VAV3: variants seen among roughly 807,000 people sequenced by gnomAD.
VAV3 encodes the protein vav guanine nucleotide exchange factor 3.
In VAV3, 94 loss-of-function variants were observed where a neutral mutation model predicts 131.2. That is an observed-to-expected ratio of 0.72 (90% CI 0.61 to 0.85). VAV3 has a LOEUF of 0.85. Ranked by LOEUF, VAV3 falls within the 40% of genes least tolerant of loss-of-function variation. VAV3 has a pLI of 0.00. For missense variants in VAV3, 939 were observed against 1,002.7 expected, an observed-to-expected ratio of 0.94 and a Z score of 0.86; for synonymous variants, 349 against 342.0, an observed-to-expected ratio of 1.02 and a Z score of -0.22.
In VAV3 at chr1:107,840,921, T is replaced by TAA. The variant is rs55688733; in HGVS notation, c.321+33978_321+33979dup. ...GGATCAACATGTTCAGAGATGCTTTTAAAAAAAAAAAAAATTCATCTGGCA... is the reference window on the plus strand; with the variant it reads ...GGATCAACATGTTCAGAGATGCTTTTAAAAAAAAAAAAAAAATTCATCTGGCA... On this transcript the variant is annotated intron_variant, in intron 2 of 26. Coordinates refer to ENST00000370056, the MANE Select transcript of VAV3 (RefSeq NM_006113.5). Among the ~76,000 whole-genome samples the TAA allele has an allele frequency of 4.9e-3, 721 of 146,886 alleles. 3 individuals are homozygous for TAA. Among genetic ancestry groups the TAA allele is most frequent in the African/African-American group, 0.017 (684 of 39,980 alleles).
chr1:107,612,792 C>T (rs966544728), intron 21 of VAV3, among the ~76,000 whole-genome samples: 5 of 152,152 alleles, frequency 3.3e-5, no homozygotes, highest in South Asian at 2.1e-4. Flanking sequence ...GACTTCCTAC[C>T]TCCTTTTCCA....
chr1:107,938,032 C>T (rs962817688), intron 1 of VAV3, among the ~76,000 whole-genome samples: 26 of 152,180 alleles, frequency 1.7e-4, no homozygotes, highest in African/African-American at 6.0e-4. Flanking sequence ...TGCACTCTGT[C>T]ACACAGAGCA....
chr1:107,639,251 T>C (rs1326533928), intron 20 of VAV3, among the ~76,000 whole-genome samples: 1 of 152,130 alleles, frequency 6.6e-6, no homozygotes, highest in Non-Finnish European at 1.5e-5. Flanking sequence ...AATGTCTTTG[T>C]AACTTTGGGG....
At chr1:107,747,411 T>C (rs1285529669) in intron 15 of VAV3, among the ~76,000 whole-genome samples, 3 of 152,168 alleles carry the variant, frequency 2.0e-5, no homozygotes, top group Non-Finnish European at 4.4e-5. Flanking sequence ...GCTCTGTCTT[T>C]GCATATTACC....
intron 2 of VAV3, among the ~76,000 whole-genome samples, chr1:107,835,619 G>GA (rs1668442300): frequency 3.3e-5 from 5 of 152,132 alleles, no homozygotes; most frequent in Admixed American, 2.6e-4. Context: ...GAAAGTTTGG[G>GA]AAAAAACTAG....
rs188179696 is a variant in VAV3 at position 107,733,842 on chromosome 1, C to T, written c.1502+15126G>A. ...TCAAGATATTAACCAGGAGGACGTCCCCAACCTAACAAGGCAGGCCAACAT... is the reference window on the plus strand; with the variant it reads ...TCAAGATATTAACCAGGAGGACGTCTCCAACCTAACAAGGCAGGCCAACAT... On this transcript the variant is annotated intron_variant, in intron 15 of 26. Transcript: ENST00000370056. Among the ~76,000 whole-genome samples the T allele has an allele frequency of 1.8e-3, 274 of 152,126 alleles. 3 individuals are homozygous for T. The Middle Eastern group carries it at 0.027, about 15-fold the overall frequency.
chr1:107,594,792 T>A (rs1477317946), intron 25 of VAV3, among the ~76,000 whole-genome samples: 1 of 152,092 alleles, frequency 6.6e-6, no homozygotes, highest in Non-Finnish European at 1.5e-5. Context: ...GTTAGTGACC[T>A]TCCTACCTAA....
chr1:107,896,459 T>C (rs1341570309), intron 1 of VAV3, among the ~76,000 whole-genome samples: 1 of 152,204 alleles, frequency 6.6e-6, no homozygotes, highest in African/African-American at 2.4e-5. Flanking sequence ...TATTGTACTG[T>C]TATTATTGTT....
At chr1:107,802,774 A>G (rs1335587935) in intron 2 of VAV3, among the ~76,000 whole-genome samples, 2 of 151,904 alleles carry the variant, frequency 1.3e-5, no homozygotes, top group Non-Finnish European at 2.9e-5. Context: ...ATCTGTGTTT[A>G]TCAGTGATAT....
At chr1:107,669,366 G>A in intron 19 of VAV3, 1 of 1,289,786 alleles carries the variant, frequency 7.8e-7, no homozygotes, top group Non-Finnish European at 1.0e-6. Flanking sequence ...CCTCAAGGCT[G>A]CATTTTCACC....
At position 107,909,882 on chromosome 1, in the gene VAV3, C is replaced by A. The variant is rs539694984; in HGVS notation, c.205-34865G>T. On this transcript the variant is annotated intron_variant, in intron 1 of 26. Transcript: ENST00000370056. ...ATTTCATAATAATATTTTCTTTCAA[C>A]TATCAAGCTTGCTCAGCTTCACATT... Among the ~76,000 whole-genome samples the A allele has an allele frequency of 2.8e-4, 43 of 152,266 alleles. No individual in the cohort carries two copies. In the South Asian group the frequency reaches 7.0e-3, roughly 25 times the overall value.
At chr1:107,954,329 G>C (rs1459529829) in intron 1 of VAV3, among the ~76,000 whole-genome samples, 2 of 152,150 alleles carry the variant, frequency 1.3e-5, no homozygotes, top group Non-Finnish European at 2.9e-5. Context: ...ATGTGCTTGA[G>C]ACCAGCTGTC....
rs751722264 is a variant in VAV3 at position 107,609,963 on chromosome 1, C to G, written c.1983G>C (p.Val661=). The change falls in exon 22 of 27, where the codon GTG becomes GTC. Residue 661 remains valine, a splice_region_variant and synonymous_variant. Coordinates refer to ENST00000370056, the MANE Select transcript of VAV3 (RefSeq NM_006113.5). The stretch of plus-strand genomic sequence containing the variant: ...GGCAAGAATAATCTACTGGTTTGGG[C>G]ACCTAGGATATAAAAAAGCAAAAAC... The part of the protein sequence containing the change: ...PSDAVKPCPC[V]PKPVDYSCQP... The G allele has an allele frequency of 6.2e-7, 1 of 1,613,270 alleles. No homozygotes were observed. Among genetic ancestry groups the G allele is most frequent in the African/African-American group, 1.3e-5 (1 of 74,950 alleles).
At chr1:107,596,661 T>C (rs900793613) in intron 24 of VAV3, among the ~76,000 whole-genome samples, 1 of 152,142 alleles carries the variant, frequency 6.6e-6, no homozygotes, top group Non-Finnish European at 1.5e-5. Context: ...AGAGTAGTAA[T>C]TATTGTTCTT....
intron 19 of VAV3, among the ~76,000 whole-genome samples, chr1:107,659,152 T>A (rs528409059): frequency 1.3e-5 from 2 of 152,272 alleles, no homozygotes; most frequent in African/African-American, 4.8e-5. Flanking sequence ...GGATCCAGTT[T>A]CAGCTTTCTA....
chr1:107,799,244 T>G (rs921533575), intron 2 of VAV3, among the ~76,000 whole-genome samples: 14 of 151,960 alleles, frequency 9.2e-5, no homozygotes, highest in Non-Finnish European at 1.8e-4. Flanking sequence ...CTCAATTAAT[T>G]GTAAGAAGCT....
At chr1:107,853,864 CTTA>C in intron 2 of VAV3, among the ~76,000 whole-genome samples, 2 of 152,240 alleles carry the variant, frequency 1.3e-5, no homozygotes, top group East Asian at 1.9e-4. Flanking sequence ...CCACAGACAA[CTTA>C]TTTATGAGCT....
At chr1:107,768,531 A>G in intron 6 of VAV3, 22 bp from the exon 7 acceptor site, 1 of 1,584,710 alleles carries the variant, frequency 6.3e-7, no homozygotes, top group Non-Finnish European at 8.7e-7. Context: ...GAAGAAGAAA[A>G]TAGTAATTAA....
intron 20 of VAV3, among the ~76,000 whole-genome samples, chr1:107,631,341 T>G (rs938300263): frequency 6.6e-6 from 1 of 152,024 alleles, no homozygotes; most frequent in Non-Finnish European, 1.5e-5. Flanking sequence ...GTCAGCTAAC[T>G]GTTCCATGGT....
Sources: gnomAD v4.1 joint callset for allele counts (sites outside exome capture counted in the v4.1 genomes callset) on GRCh38, gnomAD v4.1.1 for gene constraint, MANE v1.5 for transcripts, NCBI Gene and HGNC (gene_info 2026-07-23, HGNC 2026-07-21) for gene names.